Variants in KCNB2 observed in about 807,000 individuals in gnomAD.
KCNB2 encodes the protein potassium voltage-gated channel subfamily B member 2, also known as delayed rectifier potassium channel protein.
A neutral mutation model predicts 61.5 loss-of-function variants in KCNB2; 15 were observed. The ratio of observed to expected loss-of-function variants is 0.24; its 90% CI spans 0.16 to 0.38. The LOEUF (loss-of-function observed/expected upper bound fraction) is 0.38, where lower values mean the gene tolerates loss of function less well. Ranked by LOEUF, KCNB2 falls within the 10% of genes least tolerant of loss-of-function variation. The pLI is 1.00. For missense variants in KCNB2, 828 were observed against 1,125.2 expected (o/e 0.74, Z 3.78); for synonymous variants, 457 against 446.0 (o/e 1.02, Z -0.31).
At chr8:72,590,322 T>G (rs921220442) in intron 2 of KCNB2, among the ~76,000 whole-genome samples, 1 of 152,202 alleles carries the variant, frequency 6.6e-6, no homozygotes, top group African/African-American at 2.4e-5. Flanking sequence ...GGAGGTGTCT[T>G]CCTGAGATTG....
chr8:72,662,078 C>T (rs143843763), intron 2 of KCNB2, among the ~76,000 whole-genome samples: 1,580 of 152,288 alleles, frequency 0.01, 16 homozygotes, highest in Middle Eastern at 0.024. Flanking sequence ...AGTTCTTCAT[C>T]CTGCTTGCTT....
chr8:72,606,826 C>G (rs1021921597), intron 2 of KCNB2, among the ~76,000 whole-genome samples: 1 of 152,110 alleles, frequency 6.6e-6, no homozygotes, highest in African/African-American at 2.4e-5. Context: ...AAAGTTAAGG[C>G]AGAAAAGTGT....
intron 2 of KCNB2, among the ~76,000 whole-genome samples, chr8:72,684,407 G>C (rs1252944263): frequency 2.0e-5 from 3 of 152,150 alleles, no homozygotes; most frequent in Non-Finnish European, 4.4e-5. Context: ...ATATATAGGT[G>C]GTAGTTAAAG....
chr8:72,685,832 A>G (rs902388016), intron 2 of KCNB2, among the ~76,000 whole-genome samples: 7 of 152,190 alleles, frequency 4.6e-5, no homozygotes, highest in African/African-American at 1.7e-4. Flanking sequence ...TCTACGAAAA[A>G]TACAAAATTA....
chr8:72,715,361 C>T (rs1023623928), intron 2 of KCNB2, among the ~76,000 whole-genome samples: 4 of 152,180 alleles, frequency 2.6e-5, no homozygotes, highest in Non-Finnish European at 5.9e-5. Context: ...AATCTACATT[C>T]TTTTCAGCAC....
chr8:72,758,254 A>G (rs1049062185), intron 2 of KCNB2, among the ~76,000 whole-genome samples: 5 of 152,144 alleles, frequency 3.3e-5, no homozygotes, highest in Non-Finnish European at 5.9e-5. Context: ...TCCAGCTGAA[A>G]TTGGAGACTA....
chr8:72,561,710 T>TATATATAC (rs1806518971), intron 1 of KCNB2, among the ~76,000 whole-genome samples: 6 of 21,786 alleles, frequency 2.8e-4, no homozygotes, highest in African/African-American at 2.2e-3. Context: ...TATATATATA[T>TATATATAC]ATATATATAT....
intron 2 of KCNB2, among the ~76,000 whole-genome samples, chr8:72,619,735 G>T (rs550634955): frequency 6.6e-6 from 1 of 152,196 alleles, no homozygotes; most frequent in East Asian, 1.9e-4. Flanking sequence ...CAAAAAAAGA[G>T]TTTCTCAATA....
intron 2 of KCNB2, among the ~76,000 whole-genome samples, chr8:72,787,681 A>C (rs1808866402): frequency 6.6e-6 from 1 of 152,158 alleles, no homozygotes; most frequent in Non-Finnish European, 1.5e-5. Flanking sequence ...AAGAAAGATA[A>C]TGCAGAATTC....
intron 2 of KCNB2, among the ~76,000 whole-genome samples, chr8:72,812,609 G>A (rs1809325253): frequency 6.6e-6 from 1 of 151,796 alleles, no homozygotes; most frequent in Admixed American, 6.6e-5. Context: ...AATAGTTGCT[G>A]GATTTAGGCA....
chr8:72,698,694 C>T (rs1415742602), intron 2 of KCNB2, among the ~76,000 whole-genome samples: 1 of 152,226 alleles, frequency 6.6e-6, no homozygotes, highest in East Asian at 1.9e-4. Context: ...GAATAGAGAA[C>T]TCAGAAATAA....
At position 72,937,478 on chromosome 8, in the gene KCNB2, A is replaced by G. The variant is rs1404325980; in HGVS notation, c.2123A>G (p.Asn708Ser). 1 of 1,613,944 alleles carries G rather than the reference A, an allele frequency of 6.2e-7. No individual in the cohort carries two copies. The highest frequency in any genetic ancestry group is 8.5e-7 in the Non-Finnish European group (1 of 1,179,982). The change falls in exon 3 of 3, where the codon AAC becomes AGC. Residue 708 changes from asparagine to serine, a missense_variant. Asn to Ser is a conservative substitution (Grantham distance 46). Coordinates refer to ENST00000523207, the MANE Select transcript of KCNB2 (RefSeq NM_004770.3). ...CCTAAGAGCTCTCTAAAAGGCAGCA[A>G]CCCACTAAAGTCCAGATCCCTCAAA... ...DSPKSSLKGSNPLKSRSLKVN... is the reference protein window; with the variant it reads ...DSPKSSLKGSSPLKSRSLKVN...
chr8:72,671,156 C>T (rs1004530836), intron 2 of KCNB2, among the ~76,000 whole-genome samples: 3 of 152,154 alleles, frequency 2.0e-5, no homozygotes, highest in African/African-American at 7.2e-5. Context: ...TAGCCTGTTG[C>T]CTTCACTACA....
In KCNB2 at chr8:72,567,893, G is replaced by A. The variant is rs767563707; in HGVS notation, c.159G>A (p.Leu53=). 12 of 1,613,954 alleles carry A rather than the reference G, an allele frequency of 7.4e-6. No homozygotes were observed. Among genetic ancestry groups the A allele is most frequent in the Admixed American group, 6.7e-5 (4 of 60,002 alleles). Residue 53 remains leucine (L), a synonymous_variant, in exon 2 of 3, where the codon CTG becomes CTA. Transcript: ENST00000523207. ...ACCACGAAGTCCTGTGGAGAACGCT[G>A]GACAGGCTGCCCAGGACGCGCCTGG... ...GLNHEVLWRT[L]DRLPRTRLGK...
intron 2 of KCNB2, among the ~76,000 whole-genome samples, chr8:72,571,008 C>A (rs577644138): frequency 1.4e-3 from 212 of 152,114 alleles, no homozygotes; most frequent in African/African-American, 4.8e-3. Flanking sequence ...TGAAAATATT[C>A]TTGTGTTTTT....
intron 2 of KCNB2, among the ~76,000 whole-genome samples, chr8:72,871,186 G>T (rs1805608974): frequency 6.6e-6 from 1 of 152,100 alleles, no homozygotes; most frequent in South Asian, 2.1e-4. Flanking sequence ...AACAGATGTA[G>T]AAACACATGT....
At chr8:72,637,719 A>C (rs1045779666) in intron 2 of KCNB2, among the ~76,000 whole-genome samples, 1 of 152,148 alleles carries the variant, frequency 6.6e-6, no homozygotes, top group Non-Finnish European at 1.5e-5. Context: ...CACATTTAAC[A>C]GACTACTTGC....
rs1345244261 is a variant in KCNB2, at chr8:72,623,805, T to A, written c.579+55492T>A. 7.2e-5 allele frequency among the ~76,000 whole-genome samples: 11 copies of A among 152,170 alleles called. No homozygotes were observed. In the South Asian group the frequency reaches 1.9e-3, roughly 26 times the overall value. ...TTATTTAATACATGAGAAGATGGAT[T>A]TATAAAGAAGTTAGGTGCCCCAAAT... is the stretch of plus-strand genomic sequence containing the variant. On this transcript the variant is annotated intron_variant, in intron 2 of 2. Coordinates refer to ENST00000523207, the MANE Select transcript of KCNB2 (RefSeq NM_004770.3).
At chr8:72,708,848 G>A (rs1239901825) in intron 2 of KCNB2, among the ~76,000 whole-genome samples, 1 of 152,158 alleles carries the variant, frequency 6.6e-6, no homozygotes, top group East Asian at 1.9e-4. Flanking sequence ...TTTAAAGAAT[G>A]AGAATCTGGC....
Sources: gnomAD v4.1 joint callset for allele counts (sites outside exome capture counted in the v4.1 genomes callset) on GRCh38, gnomAD v4.1.1 for gene constraint, MANE v1.5 for transcripts, NCBI Gene and HGNC (gene_info 2026-07-23, HGNC 2026-07-21) for gene names.